STK32A: variants seen among roughly 807,000 people sequenced by gnomAD.
STK32A encodes the protein serine/threonine-protein kinase 32A.
Under a neutral mutation model 53.2 loss-of-function variants are expected in STK32A, and 41 were observed. That is an observed-to-expected ratio of 0.77 (90% confidence interval 0.60 to 1.00). The LOEUF (loss-of-function observed/expected upper bound fraction) is 1.00, where lower values mean the gene tolerates loss of function less well. STK32A is among the 50% of genes least tolerant of loss of function. STK32A has a pLI of 0.00. For missense variants in STK32A, 458 were observed against 485.8 expected (o/e 0.94, Z 0.54); for synonymous variants, 166 against 162.8 (o/e 1.02, Z -0.15).
At chr5:147,267,744 C>T (rs949376128) in intron 2 of STK32A, among the ~76,000 whole-genome samples, 1 of 152,134 alleles carries the variant, frequency 6.6e-6, no homozygotes, top group African/African-American at 2.4e-5. Context: ...ATTGAGTCAA[C>T]ATTTATATAA....
At position 147,334,140 on chromosome 5, in the gene STK32A, C is replaced by G. The variant is rs578028864; in HGVS notation, c.435-8866C>G. Among the ~76,000 whole-genome samples, 4 of 152,282 alleles carry G rather than the reference C, an allele frequency of 2.6e-5. No individual in the cohort carries two copies. In the East Asian group the frequency reaches 7.7e-4, roughly 29 times the overall value. On this transcript the variant is annotated intron_variant, in intron 5 of 12. Coordinates refer to ENST00000397936, the MANE Select transcript of STK32A (RefSeq NM_001112724.2). ...TTAGAAGTGAGGAGTAATTTGGAGA[C>G]TGACAAGCTCTACCTTCATCTAAAG...
chr5:147,355,387 C>T (rs529951964), intron 7 of STK32A, among the ~76,000 whole-genome samples: 79 of 152,160 alleles, frequency 5.2e-4, no homozygotes, highest in African/African-American at 1.9e-3. Context: ...CAATTAAAAC[C>T]TTCTCGGCCG....
chr5:147,250,509 T>C (rs1753940195), intron 2 of STK32A, among the ~76,000 whole-genome samples: 1 of 152,216 alleles, frequency 6.6e-6, no homozygotes, highest in African/African-American at 2.4e-5. Flanking sequence ...TTATGTTGAA[T>C]GCTTCTGTGT....
At chr5:147,380,465 C>A (rs6865879) in intron 11 of STK32A, among the ~76,000 whole-genome samples, 3,034 of 149,392 alleles carry the variant, frequency 0.02, 108 homozygotes, top group African/African-American at 0.074. Context: ...TATTCTAATT[C>A]CTAGGTTAAA....
chr5:147,328,857 G>A (rs1294489678), intron 5 of STK32A, among the ~76,000 whole-genome samples: 4 of 152,140 alleles, frequency 2.6e-5, no homozygotes. Context: ...AGATCTTAAA[G>A]TAGACTCAAT....
chr5:147,279,093 A>G (rs73260240), intron 3 of STK32A, among the ~76,000 whole-genome samples, 154 bp from the exon 4 acceptor site: 273 of 152,352 alleles, frequency 1.8e-3, no homozygotes, highest in African/African-American at 6.1e-3. Context: ...GAAATTTTTA[A>G]TCTAAAATCA....
At chr5:147,388,133 G>GC (rs1439570152), downstream of STK32A, among the ~76,000 whole-genome samples, 1 of 152,150 alleles carries the variant, frequency 6.6e-6, no homozygotes, top group Non-Finnish European at 1.5e-5. Flanking sequence ...TCCAGTTTCT[G>GC]CCTTTCACTA....
At chr5:147,347,501 C>T (rs1012436463) in intron 6 of STK32A, among the ~76,000 whole-genome samples, 1 of 152,094 alleles carries the variant, frequency 6.6e-6, no homozygotes, top group Non-Finnish European at 1.5e-5. Context: ...ATCAGGATTC[C>T]AGCCAGGGTT....
chr5:147,372,968 T>G (rs1355547752), intron 9 of STK32A, among the ~76,000 whole-genome samples: 1 of 152,176 alleles, frequency 6.6e-6, no homozygotes, highest in Non-Finnish European at 1.5e-5. Flanking sequence ...GGACAAGCCA[T>G]TTTTACTCAT....
At chr5:147,325,617 G>T (rs542218568) in intron 5 of STK32A, among the ~76,000 whole-genome samples, 1 of 152,128 alleles carries the variant, frequency 6.6e-6, no homozygotes, top group South Asian at 2.1e-4. Flanking sequence ...CTTTGGAAGG[G>T]CCTGCTTGTA....
intron 1 of STK32A, among the ~76,000 whole-genome samples, chr5:147,237,077 C>T (rs1056016838): frequency 1.4e-4 from 22 of 152,092 alleles, no homozygotes; most frequent in Non-Finnish European, 1.2e-4. Context: ...CTTTGGGAGG[C>T]CGAGGTGGGT....
chr5:147,247,888 G>A (rs971257668), intron 2 of STK32A, among the ~76,000 whole-genome samples: 1 of 152,074 alleles, frequency 6.6e-6, no homozygotes, highest in African/African-American at 2.4e-5. Context: ...TTGGGAGGCC[G>A]AGGTGGGCAG....
chr5:147,355,012 G>A (rs57921061), intron 7 of STK32A, among the ~76,000 whole-genome samples: 36,418 of 151,974 alleles, frequency 0.24, 5,888 homozygotes, highest in African/African-American at 0.45. Context: ...GCTCCCAATG[G>A]TTTGGTAAAA....
In STK32A at chr5:147,364,887, G is replaced by A. The variant is rs1207305968; in HGVS notation, c.660+3273G>A. Among the ~76,000 whole-genome samples the A allele has an allele frequency of 2.0e-5, 3 of 152,124 alleles. No individual in the cohort carries two copies. In the East Asian group the frequency reaches 5.8e-4, roughly 29 times the overall value. On this transcript the variant is annotated intron_variant, in intron 8 of 12. Transcript: ENST00000397936. ...GGGGGGATACATTCAGTCTGTAACA[G>A]GTTGTATACTCTCAAGGTCCCAGTG...
At chr5:147,256,307 CAG>C (rs1754234885) in intron 2 of STK32A, among the ~76,000 whole-genome samples, 1 of 152,096 alleles carries the variant, frequency 6.6e-6, no homozygotes, top group African/African-American at 2.4e-5. Context: ...CGGGATATAG[CAG>C]AGAGAGAGCT....
intron 3 of STK32A, among the ~76,000 whole-genome samples, chr5:147,278,405 ACTCAAAT>A (rs1416357807): frequency 1.3e-5 from 2 of 152,202 alleles, no homozygotes; most frequent in Non-Finnish European, 2.9e-5. Context: ...ATCTCATTAA[ACTCAAAT>A]CTGTTTACTC....
chr5:147,279,448 G>A, intron 4 of STK32A, 50 bp downstream of exon 4: 3 of 1,508,918 alleles, frequency 2.0e-6, no homozygotes, highest in Non-Finnish European at 2.7e-6. Flanking sequence ...GTTATCGGTG[G>A]GCTAGGGGAG....
chr5:147,373,656 G>T (rs1757105772), intron 10 of STK32A, among the ~76,000 whole-genome samples: 1 of 152,146 alleles, frequency 6.6e-6, no homozygotes, highest in African/African-American at 2.4e-5. Context: ...GCAGAAGTTT[G>T]TGTCCCTAGA....
rs1757547604 is a variant in STK32A, at chr5:147,383,837, T to G, written c.1098-53T>G. ...AATATTATTTCAAAAGCTTAAACCT[T>G]TCATTTTATTTTTCAAAGAATAAAA... On this transcript the variant is annotated intron_variant, in intron 12 of 12. Transcript: ENST00000397936. 3.7e-6 allele frequency: 5 copies of G among 1,335,622 alleles called. No homozygotes were observed. In the East Asian group the frequency reaches 1.3e-4, roughly 34 times the overall value. The allele number at this position is 1,335,622 out of a possible 1,614,324, so 82.7% of individuals were successfully genotyped here.
Sources: gnomAD v4.1 joint callset for allele counts (sites outside exome capture counted in the v4.1 genomes callset) on GRCh38, gnomAD v4.1.1 for gene constraint, MANE v1.5 for transcripts, NCBI Gene and HGNC (gene_info 2026-07-23, HGNC 2026-07-21) for gene names.